NXPH4: variants seen among roughly 807,000 people sequenced by gnomAD.
NXPH4 encodes the protein neurexophilin-4.
NXPH4 carries 8 observed loss-of-function variants against 21.3 expected under a neutral mutation model. That is an observed-to-expected ratio of 0.38 (90% CI 0.22 to 0.68). NXPH4 has a LOEUF of 0.68. Ranked by LOEUF, NXPH4 falls within the 30% of genes least tolerant of loss-of-function variation. The pLI, the probability that NXPH4 is intolerant of heterozygous loss-of-function variation, is 0.53. For missense variants in NXPH4, 418 were observed against 416.8 expected, an observed-to-expected ratio of 1.00 and a Z score of -0.03; for synonymous variants, 219 against 192.6, an observed-to-expected ratio of 1.14 and a Z score of -1.13.
At position 57,225,775 on chromosome 12, in the gene NXPH4, C is replaced by G. The variant is rs982396391; in HGVS notation, c.*28C>G. 6 of 1,589,460 alleles carry G rather than the reference C, an allele frequency of 3.8e-6. No individual in the cohort carries two copies. In the African/African-American group the frequency reaches 5.4e-5, roughly 14 times the overall value. ...CCCCTCCCCAGCCAGTCCTGAGCCT[C>G]CCGCCAAATCCCAGCCTCACTAGGT... On this transcript the variant is annotated 3_prime_UTR_variant, in exon 2 of 2. Transcript: ENST00000349394.
At chr12:57,220,288 C>CGGCTT (rs1490899278) in intron 1 of NXPH4, among the ~76,000 whole-genome samples, 2 of 152,068 alleles carry the variant, frequency 1.3e-5, no homozygotes, top group African/African-American at 4.8e-5. Flanking sequence ...CCTCCGGCTC[C>CGGCTT]GGCTTCGGGA....
Position 57,225,687 on chromosome 12 carries a change from A to G in NXPH4, c.867A>G (p.Lys289=). The change falls in exon 2 of 2, where the codon AAA becomes AAG. Residue 289 remains lysine (K), a synonymous_variant. Coordinates refer to ENST00000349394, the MANE Select transcript of NXPH4 (RefSeq NM_007224.4). ...TCTCTTTCCTCAGCTTTGACTACAA[A>G]CTGGTGCAGAAGGTGTGCCCAGACT... The part of the protein sequence containing the change: ...IFVSFLSFDY[K]LVQKVCPDYN... 1 of 1,613,744 alleles carries G rather than the reference A, an allele frequency of 6.2e-7. No homozygotes were observed. Among genetic ancestry groups the G allele is most frequent in the South Asian group, 1.1e-5 (1 of 91,070 alleles).
At chr12:57,218,220 C>T (rs2037058338) in intron 1 of NXPH4, among the ~76,000 whole-genome samples, 2 of 152,212 alleles carry the variant, frequency 1.3e-5, no homozygotes, top group African/African-American at 4.8e-5. Flanking sequence ...AGCCAAATCA[C>T]ATTTGGCAAA....
chr12:57,221,425 C>A (rs939598111), intron 1 of NXPH4: 2 of 446,466 alleles, frequency 4.5e-6, no homozygotes, highest in East Asian at 7.0e-5. Flanking sequence ...CCCTGCAATG[C>A]GGCTGGGGGG....
intron 1 of NXPH4, among the ~76,000 whole-genome samples, chr12:57,220,604 G>A (rs952016855): frequency 8.0e-5 from 12 of 149,838 alleles, no homozygotes; most frequent in African/African-American, 2.7e-4. Flanking sequence ...AGCGGTCCCC[G>A]CCCCCTCATG....
intron 1 of NXPH4, among the ~76,000 whole-genome samples, chr12:57,224,006 A>G (rs369449283): frequency 1.2e-4 from 18 of 152,350 alleles, no homozygotes; most frequent in African/African-American, 4.3e-4. Flanking sequence ...CCTCTGCTCA[A>G]CTGGTTCCCA....
chr12:57,225,478 T>C lies in NXPH4; in HGVS notation c.658T>C (p.Leu220=). 7.5e-6 allele frequency: 12 copies of C among 1,600,546 alleles called. No homozygotes were observed. The highest frequency in any genetic ancestry group is 9.4e-6 in the Non-Finnish European group (11 of 1,175,336). The part of the protein sequence containing the change: ...GALAGPLGGA[L]GVPGAKESRA... ...ACTGGCGGGGCCGCTTGGGGGCGCG[T>C]TGGGAGTGCCTGGGGCCAAAGAGTC... The change falls in exon 2 of 2, where the codon TTG becomes CTG. Residue 220 remains leucine, a synonymous_variant. Coordinates refer to ENST00000349394, the MANE Select transcript of NXPH4 (RefSeq NM_007224.4).
rs371506208 is a variant in NXPH4, at chr12:57,225,805, C to T, written c.*58C>T. On this transcript the variant is annotated 3_prime_UTR_variant, in exon 2 of 2. Coordinates refer to ENST00000349394, the MANE Select transcript of NXPH4 (RefSeq NM_007224.4). The stretch of plus-strand genomic sequence containing the variant: ...CAAATCCCAGCCTCACTAGGTGGGA[C>T]CCCCTTCCCAGTGTTCTGCCGCTCC... The T allele has an allele frequency of 1.9e-6, 3 of 1,560,990 alleles. No individual in the cohort carries two copies. The Admixed American group carries it at 5.3e-5, about 28-fold the overall frequency.
At chr12:57,221,519 CAGG>C in intron 1 of NXPH4, 1 of 368,970 alleles carries the variant, frequency 2.7e-6, no homozygotes, top group Non-Finnish European at 5.6e-6. Context: ...CCCCCAGCAG[CAGG>C]AGGCCACCTC....
chr12:57,219,558 G>A (rs1416047265), intron 1 of NXPH4, among the ~76,000 whole-genome samples: 5 of 152,154 alleles, frequency 3.3e-5, no homozygotes, highest in Non-Finnish European at 5.9e-5. Flanking sequence ...TTCTCTTAGA[G>A]CTGGCTGGCC....
In NXPH4 at chr12:57,225,292, TC is replaced by T; in HGVS notation, c.474del (p.Lys159SerfsTer217). 1 of 1,554,130 alleles carries T rather than the reference TC, an allele frequency of 6.4e-7. No homozygotes were observed. On this transcript the variant is annotated frameshift_variant, in exon 2 of 2. Coordinates refer to ENST00000349394, the MANE Select transcript of NXPH4 (RefSeq NM_007224.4). LOFTEE classifies it high-confidence loss of function. ...GNLSVSIVPPSKRVEFGGVWL... is the reference protein window; with the variant it reads ...GNLSVSIVPPXKRVEFGGVWL... ...CCTCAGTGTCAGCATCGTGCCGCCC[TC>T]CAAGCGTGTCGAGTTCGGAGGAGTC...
intron 1 of NXPH4, among the ~76,000 whole-genome samples, chr12:57,222,770 G>C (rs2037103868): frequency 6.6e-6 from 1 of 152,158 alleles, no homozygotes; most frequent in African/African-American, 2.4e-5. Context: ...GCTTAAGCCT[G>C]TCTGTGGGAG....
chr12:57,225,043 G>T lies in NXPH4; in HGVS notation c.223G>T (p.Gly75Trp). Residue 75 changes from glycine to tryptophan, a missense_variant, in exon 2 of 2, where the codon GGG becomes TGG. Gly to Trp is a radical substitution (Grantham distance 184). Coordinates refer to ENST00000349394, the MANE Select transcript of NXPH4 (RefSeq NM_007224.4). ...CTGGGCCTGGCCGACCAACCACACG[G>T]GGGCGCTGGCCCGGGCAGGGGCAGC... is the stretch of plus-strand genomic sequence containing the variant. ...WSWAWPTNHT[G>W]ALARAGAAGA... 1 of 1,481,316 alleles carries T rather than the reference G, an allele frequency of 6.8e-7. No individual in the cohort carries two copies. The highest frequency in any genetic ancestry group is 9.0e-7 in the Non-Finnish European group (1 of 1,113,954). The allele number at this position is 1,481,316 out of a possible 1,614,324, so 91.8% of individuals were successfully genotyped here. A position where few individuals can be genotyped will look rare whatever the true frequency, so the allele number is the denominator to read the frequency against.
chr12:57,220,214 G>T (rs2037077020), intron 1 of NXPH4, among the ~76,000 whole-genome samples: 1 of 152,136 alleles, frequency 6.6e-6, no homozygotes, highest in African/African-American at 2.4e-5. Context: ...TTGAGCGCTG[G>T]AAATTGGCGC....
At chr12:57,219,894 G>C (rs2037074105) in intron 1 of NXPH4, 1 of 152,592 alleles carries the variant, frequency 6.6e-6, no homozygotes, top group Non-Finnish European at 1.5e-5. Flanking sequence ...GAAGAGGTGA[G>C]GTAATAAGGA....
intron 1 of NXPH4, chr12:57,221,332 C>CG (rs987873199): frequency 1.1e-5 from 5 of 455,832 alleles, no homozygotes; most frequent in African/African-American, 1.0e-4. Context: ...TCCCTTCCTC[C>CG]GGCCAGATCC....
At chr12:57,217,112 GC>G in intron 1 of NXPH4, 86 bp downstream of exon 1, 2 of 1,215,166 alleles carry the variant, frequency 1.6e-6, no homozygotes, top group South Asian at 2.7e-5. Context: ...CCGTGCGCCC[GC>G]CCCGCCCCCA....
chr12:57,217,130 A>G (rs958582457), intron 1 of NXPH4, 104 bp downstream of exon 1: 6 of 1,084,910 alleles, frequency 5.5e-6, no homozygotes, highest in Non-Finnish European at 7.9e-6. Flanking sequence ...CCCAGCTCCG[A>G]GCGTCCCAAC....
rs1045980830 is a variant in NXPH4 at position 57,218,151 on chromosome 12, C to T, written c.57+1125C>T. Reference sequence around the variant, plus strand: ...AACCCTCATTCTCTGTACCCTCAGCCCCTGTAGAGTCTAGAAGGGGTGTAT... The same window carrying T: ...AACCCTCATTCTCTGTACCCTCAGCTCCTGTAGAGTCTAGAAGGGGTGTAT... On this transcript the variant is annotated intron_variant, in intron 1 of 1. Transcript: ENST00000349394. Among the ~76,000 whole-genome samples the T allele has an allele frequency of 3.3e-5, 5 of 152,196 alleles. No individual in the cohort carries two copies. The East Asian group carries it at 9.6e-4, about 29-fold the overall frequency.
Sources: allele counts gnomAD v4.1 joint callset (sites outside exome capture counted in the v4.1 genomes callset), GRCh38; gene constraint gnomAD v4.1.1; transcripts MANE v1.5; gene names NCBI Gene and HGNC (gene_info 2026-07-23, HGNC 2026-07-21).